KIF26A: variants seen among roughly 807,000 people sequenced by gnomAD.
The protein encoded by KIF26A is kinesin family member 26A.
In KIF26A, 74 loss-of-function variants were observed where a neutral mutation model predicts 126.0. The ratio of observed to expected loss-of-function variants is 0.59; its 90% CI spans 0.49 to 0.71. The LOEUF (loss-of-function observed/expected upper bound fraction) is 0.71. Ranked by LOEUF, KIF26A falls within the 30% of genes least tolerant of loss-of-function variation. The pLI, the probability that KIF26A is intolerant of heterozygous loss-of-function variation, is 0.00. For synonymous variants in KIF26A, 1,445 were observed against 1,232.7 expected, an observed-to-expected ratio of 1.17 and a Z score of -3.61; for missense variants, 2,984 against 2,763.3, an observed-to-expected ratio of 1.08 and a Z score of -1.79.
chr14:104,177,807 C>T lies in KIF26A; in HGVS notation c.5019C>T (p.Ala1673=), dbSNP rs555325265. The change falls in exon 12 of 15, where the codon GCC becomes GCT. Residue 1673 remains alanine, a synonymous_variant. Coordinates refer to ENST00000423312, the MANE Select transcript of KIF26A (RefSeq NM_015656.2). ...LRRDSEATGS[A]SSAPDSMSES... is the part of the protein sequence containing the mutation. Reference sequence around the variant, plus strand: ...GCGACAGCGAGGCCACCGGCAGCGCCTCCTCCGCCCCTGACTCCATGAGCG... The same window carrying T: ...GCGACAGCGAGGCCACCGGCAGCGCTTCCTCCGCCCCTGACTCCATGAGCG... 2.3e-5 allele frequency: 36 copies of T among 1,563,562 alleles called. No homozygotes were observed. In the East Asian group the frequency reaches 7.5e-4, roughly 33 times the overall value.
intron 2 of KIF26A, among the ~76,000 whole-genome samples, chr14:104,146,259 G>C (rs932208036): frequency 2.6e-5 from 4 of 152,226 alleles, no homozygotes; most frequent in Admixed American, 2.6e-4. Flanking sequence ...GTGTCTGGGT[G>C]TTGGGATGGT....
rs1393097502 is a variant in KIF26A at position 104,176,423 on chromosome 14, G to A, written c.3635G>A (p.Arg1212Gln). Residue 1212 changes from arginine to glutamine, a missense_variant, in exon 12 of 15, where the codon CGG (arginine) becomes CAG (glutamine). Physicochemically the swap from Arg to Gln is conservative, Grantham distance 43. Coordinates refer to ENST00000423312, the MANE Select transcript of KIF26A (RefSeq NM_015656.2). ...AAQTIHSSLP[R>Q]KPRTASATTR... ...CAGACCATCCACTCCAGCCTCCCCC[G>A]GAAACCGAGGACTGCCTCTGCCACC... 1.1e-5 allele frequency: 17 copies of A among 1,594,422 alleles called. No homozygotes were observed. Among genetic ancestry groups the A allele is most frequent in the South Asian group, 8.9e-5 (8 of 90,086 alleles).
intron 13 of KIF26A, 44 bp downstream of exon 13, chr14:104,178,799 G>A (rs2038066640): frequency 3.5e-6 from 4 of 1,158,864 alleles, no homozygotes; most frequent in African/African-American, 1.6e-5. Flanking sequence ...CTGGTGGGGA[G>A]CCTGCCGCGG....
chr14:104,176,299 C>A lies in KIF26A; in HGVS notation c.3511C>A (p.Pro1171Thr). ...LGPDRPDSPG[P>T]TWGPCPGEVA... Reference sequence around the variant, plus strand: ...GCCAGACAGACCTGACAGTCCTGGGCCAACCTGGGGTCCGTGCCCTGGGGA... The same window carrying A: ...GCCAGACAGACCTGACAGTCCTGGGACAACCTGGGGTCCGTGCCCTGGGGA... The change falls in exon 12 of 15, where the codon CCA becomes ACA. Residue 1171 changes from proline to threonine, a missense_variant. By Grantham distance (38) the Pro-to-Thr change is conservative. Transcript: ENST00000423312. 6.3e-7 allele frequency: 1 copy of A among 1,584,756 alleles called. No individual in the cohort carries two copies. The highest frequency in any genetic ancestry group is 8.6e-7 in the Non-Finnish European group (1 of 1,162,634).
At chr14:104,163,317 C>T (rs114957565) in intron 4 of KIF26A, among the ~76,000 whole-genome samples, 4,236 of 152,314 alleles carry the variant, frequency 0.028, 67 homozygotes, top group African/African-American at 0.045. Context: ...CTGCCCTCTG[C>T]GCTTCCCAGC....
At chr14:104,158,943 C>T (rs989446535) in intron 4 of KIF26A, among the ~76,000 whole-genome samples, 3 of 152,346 alleles carry the variant, frequency 2.0e-5, no homozygotes, top group East Asian at 1.9e-4. Context: ...CAGCCCCACG[C>T]GGGTGCTGAT....
Position 104,179,802 on chromosome 14 carries a change from G to A in KIF26A, c.*12G>A, listed in dbSNP as rs371269460. ...AGGTGGACGTCTGAGGCTGGGCGCC[G>A]GACAAGAGGAGGGGGCGTGCAGCGG... On this transcript the variant is annotated 3_prime_UTR_variant, in exon 15 of 15. Coordinates refer to ENST00000423312, the MANE Select transcript of KIF26A (RefSeq NM_015656.2). 807 of 1,514,120 alleles carry A rather than the reference G, an allele frequency of 5.3e-4. 2 individuals carry two copies. Among genetic ancestry groups the A allele is most frequent in the South Asian group, 1.1e-3 (89 of 78,744 alleles). 93.8% of individuals were successfully genotyped at this position (1,514,120 alleles called of 1,614,324 possible). A position where few individuals can be genotyped will look rare whatever the true frequency, so the allele number is the denominator to read the frequency against.
At position 104,175,268 on chromosome 14, in the gene KIF26A, C is replaced by T; in HGVS notation, c.2480C>T (p.Ser827Phe). The change falls in exon 12 of 15, where the codon TCC (serine) becomes TTC (phenylalanine). Residue 827 changes from serine to phenylalanine, a missense_variant. Physicochemically the swap from Ser to Phe is radical, Grantham distance 155 (BLOSUM62 -2). Coordinates refer to ENST00000423312, the MANE Select transcript of KIF26A (RefSeq NM_015656.2). ...IIPALSRHRPSKGPRDADHFR... is the reference protein window; with the variant it reads ...IIPALSRHRPFKGPRDADHFR... ...CCTGCCCTGAGCCGCCACCGGCCCT[C>T]CAAGGGTCCCCGAGACGCAGACCAC... is the stretch of plus-strand genomic sequence containing the variant. 1 of 1,606,412 alleles carries T rather than the reference C, an allele frequency of 6.2e-7. No homozygotes were observed. The highest frequency in any genetic ancestry group is 8.5e-7 in the Non-Finnish European group (1 of 1,179,626).
chr14:104,152,312 G>T lies in KIF26A; in HGVS notation c.586G>T (p.Ala196Ser). ...TGGGCCAGACAGGACCAAGGGGCTG[G>T]CCTGGTCCCCCGGGCCCAGTGTCCA... Reference protein sequence around the residue: ...RAGPDRTKGLAWSPGPSVQVS... With the variant: ...RAGPDRTKGLSWSPGPSVQVS... Residue 196 changes from alanine to serine, a missense_variant, in exon 3 of 15, where the codon GCC becomes TCC. Transcript: ENST00000423312. The surrounding 1 kb of genome is among the most constrained non-coding windows in gnomAD (Gnocchi z 5.9). 6.3e-7 allele frequency: 1 copy of T among 1,582,736 alleles called. No homozygotes were observed.
intron 4 of KIF26A, 55 bp from the exon 5 acceptor site, chr14:104,166,804 A>G: frequency 1.4e-6 from 2 of 1,445,008 alleles, no homozygotes; most frequent in South Asian, 2.8e-5. Flanking sequence ...CAGGCGGGTG[A>G]CAGGAACAGC....
At chr14:104,139,359 G>A (rs2037614982) in intron 2 of KIF26A, 71 bp downstream of exon 2, 1 of 1,371,320 alleles carries the variant, frequency 7.3e-7, no homozygotes, top group Admixed American at 3.6e-5. Context: ...CTTGGGGCTT[G>A]GAGGGAAGCA....
Position 104,179,355 on chromosome 14 carries a change from G to A in KIF26A, c.5436G>A (p.Leu1812=). ...AGCTGGCCGAGACCCAGGGCCGGCTGATGCTGGAGCCTGGCCGCTGGCTGG... is the reference window on the plus strand; with the variant it reads ...AGCTGGCCGAGACCCAGGGCCGGCTAATGCTGGAGCCTGGCCGCTGGCTGG... The part of the protein sequence containing the change: ...CEELAETQGR[L]MLEPGRWLEQ... The change falls in exon 14 of 15, where the codon CTG becomes CTA. Residue 1812 remains leucine (L), a synonymous_variant. Transcript: ENST00000423312. 1 of 1,537,044 alleles carries A rather than the reference G, an allele frequency of 6.5e-7. No individual in the cohort carries two copies. The highest frequency in any genetic ancestry group is 8.7e-7 in the Non-Finnish European group (1 of 1,144,982).
At position 104,179,236 on chromosome 14, in the gene KIF26A, G is replaced by A. The variant is rs1230465807; in HGVS notation, c.5317G>A (p.Gly1773Ser). Reference sequence around the variant, plus strand: ...AGCCCCCGCCCGCCCTGCCTCCCAGGGTCTGGCGTGCGTCAGTACAAGGCT... The same window carrying A: ...AGCCCCCGCCCGCCCTGCCTCCCAGAGTCTGGCGTGCGTCAGTACAAGGCT... ...RPTPREAPTQGLACVSTRLRL... is the reference protein window; with the variant it reads ...RPTPREAPTQSLACVSTRLRL... Residue 1773 changes from glycine (G) to serine (S), a missense_variant and splice_region_variant, in exon 14 of 15, where the codon GGT becomes AGT. By Grantham distance (56) the Gly-to-Ser change is moderately conservative (BLOSUM62 0). Coordinates refer to ENST00000423312, the MANE Select transcript of KIF26A (RefSeq NM_015656.2). The A allele has an allele frequency of 2.7e-5, 40 of 1,480,396 alleles. No individual in the cohort carries two copies. The highest frequency in any genetic ancestry group is 1.3e-4 in the South Asian group (10 of 75,282). The allele number at this position is 1,480,396 out of a possible 1,614,324, so 91.7% of individuals were successfully genotyped here. A position where few individuals can be genotyped will look rare whatever the true frequency, so the allele number is the denominator to read the frequency against.
At chr14:104,144,479 G>C (rs1396809991) in intron 2 of KIF26A, among the ~76,000 whole-genome samples, 1 of 152,218 alleles carries the variant, frequency 6.6e-6, no homozygotes, top group Non-Finnish European at 1.5e-5. Context: ...TCCTGCTGGA[G>C]GGGCTTGTGA....
chr14:104,153,696 T>G (rs2037751814), intron 3 of KIF26A, among the ~76,000 whole-genome samples: 1 of 152,208 alleles, frequency 6.6e-6, no homozygotes, highest in South Asian at 2.1e-4. Flanking sequence ...GCAGGTGAGC[T>G]GGGCAGCATC....
At chr14:104,160,638 C>G (rs916314728) in intron 4 of KIF26A, among the ~76,000 whole-genome samples, 1 of 152,276 alleles carries the variant, frequency 6.6e-6, no homozygotes, top group African/African-American at 2.4e-5. Flanking sequence ...AGGAGTTCTC[C>G]GAAGGCTCTG....
Position 104,178,480 on chromosome 14 carries a change from C to T in KIF26A, c.5111-70C>T, listed in dbSNP as rs572723905. The T allele has an allele frequency of 2.3e-4, 269 of 1,194,270 alleles. 4 individuals carry two copies. Among genetic ancestry groups the T allele is most frequent in the South Asian group, 1.1e-3 (56 of 53,046 alleles). The allele number at this position is 1,194,270 out of a possible 1,614,324, so 74.0% of individuals were successfully genotyped here. ...GTCAGGACTCGGGCCGGCTCCGCAG[C>T]GTCCCCGCAGGGGCTGTGCTTGGGC... On this transcript the variant is annotated intron_variant, in intron 12 of 14. Transcript: ENST00000423312.
chr14:104,146,312 C>T (rs542867538), intron 2 of KIF26A, among the ~76,000 whole-genome samples: 37 of 152,192 alleles, frequency 2.4e-4, no homozygotes, highest in Admixed American at 2.2e-3. Context: ...GGAGAAGGCT[C>T]GTCCTGGTCC....
chr14:104,176,867 C>T lies in KIF26A; in HGVS notation c.4079C>T (p.Ala1360Val), dbSNP rs113754530. ...AGFLPRPSGA[A>V]PPAPPTRKSS... ...TTCCTCCCGAGGCCCAGTGGGGCGG[C>T]CCCCCCGGCCCCACCCACGCGGAAG... Residue 1360 changes from alanine to valine, a missense_variant, in exon 12 of 15, where the codon GCC becomes GTC. Ala to Val is a moderately conservative substitution (Grantham distance 64). Coordinates refer to ENST00000423312, the MANE Select transcript of KIF26A (RefSeq NM_015656.2). 256 of 1,526,290 alleles carry T rather than the reference C, an allele frequency of 1.7e-4. No individual in the cohort carries two copies. The highest frequency in any genetic ancestry group is 3.9e-4 in the Middle Eastern group (2 of 5,148). The allele number at this position is 1,526,290 out of a possible 1,614,324, so 94.5% of individuals were successfully genotyped here.
Sources: allele counts gnomAD v4.1 joint callset (sites outside exome capture counted in the v4.1 genomes callset), GRCh38; gene constraint gnomAD v4.1.1; non-coding constraint Gnocchi (gnomAD v3.1); transcripts MANE v1.5; gene names NCBI Gene and HGNC (gene_info 2026-07-23, HGNC 2026-07-21).